TRAPPC9: variants seen among roughly 807,000 people sequenced by gnomAD.
The protein encoded by TRAPPC9 is IKK2 binding protein.
Under a neutral mutation model 124.0 loss-of-function variants are expected in TRAPPC9, and 83 were observed. The observed-to-expected ratio is 0.67, with a 90% CI of 0.56 to 0.80. The LOEUF is 0.80. TRAPPC9 is among the 30% of genes least tolerant of loss of function. The pLI, the probability that TRAPPC9 is intolerant of heterozygous loss-of-function variation, is 0.00. For synonymous variants in TRAPPC9, 638 were observed against 617.5 expected, an observed-to-expected ratio of 1.03 and a Z score of -0.49; for missense variants, 1,302 against 1,508.3, an observed-to-expected ratio of 0.86 and a Z score of 2.27.
At chr8:140,376,873 CA>C (rs36002702) in intron 7 of TRAPPC9, among the ~76,000 whole-genome samples, 70,759 of 112,746 alleles carry the variant, frequency 0.63, 20,018 homozygotes, top group African/African-American at 0.7. Context: ...GGCTCCATCT[CA>C]AAAAAAAAAA....
chr8:140,242,004 G>A (rs2063866796), intron 16 of TRAPPC9, among the ~76,000 whole-genome samples: 1 of 152,182 alleles, frequency 6.6e-6, no homozygotes, highest in African/African-American at 2.4e-5. Context: ...AGGGCTTGCA[G>A]GAGGGAGGGG....
chr8:140,280,328 A>G (rs765908433), intron 14 of TRAPPC9, among the ~76,000 whole-genome samples: 14 of 152,348 alleles, frequency 9.2e-5, no homozygotes, highest in Middle Eastern at 3.4e-3. Context: ...CTTTCTAAAC[A>G]GCATGTGCAG....
At chr8:139,821,040 G>GACCAGGAAATGTATCTGCAGC (rs1275004324) in intron 21 of TRAPPC9, among the ~76,000 whole-genome samples, 8 of 152,260 alleles carry the variant, frequency 5.3e-5, no homozygotes, top group Middle Eastern at 6.8e-3. Context: ...AAATATAACA[G>GACCAGGAAATGTATCTGCAGC]ACCAGGAAAT....
At chr8:140,071,871 C>T (rs1028044524) in intron 17 of TRAPPC9, among the ~76,000 whole-genome samples, 1 of 152,198 alleles carries the variant, frequency 6.6e-6, no homozygotes, top group African/African-American at 2.4e-5. Flanking sequence ...AAAGACAACA[C>T]CATAGCCCAG....
chr8:140,074,754 T>C (rs961485376), intron 17 of TRAPPC9, among the ~76,000 whole-genome samples: 1 of 152,092 alleles, frequency 6.6e-6, no homozygotes, highest in Admixed American at 6.5e-5. Flanking sequence ...TGCAGGCCTC[T>C]TGAAAGAAGG....
intron 21 of TRAPPC9, among the ~76,000 whole-genome samples, chr8:139,820,671 C>T (rs1018801448): frequency 1.3e-5 from 2 of 152,184 alleles, no homozygotes; most frequent in African/African-American, 4.8e-5. Context: ...ATCTTAAAGC[C>T]ATTACGACAA....
chr8:139,920,353 A>G (rs1216570275), intron 19 of TRAPPC9, among the ~76,000 whole-genome samples: 1 of 152,248 alleles, frequency 6.6e-6, no homozygotes. Flanking sequence ...CTCAAGCAAA[A>G]CAAAACAAAC....
intron 21 of TRAPPC9, among the ~76,000 whole-genome samples, chr8:139,838,723 A>G (rs1456091512): frequency 6.6e-6 from 1 of 152,212 alleles, no homozygotes; most frequent in African/African-American, 2.4e-5. Flanking sequence ...GAGCAGCCTC[A>G]TGGAACACTC....
intron 21 of TRAPPC9, among the ~76,000 whole-genome samples, chr8:139,740,690 G>T (rs1026668469): frequency 6.6e-6 from 1 of 152,246 alleles, no homozygotes; most frequent in African/African-American, 2.4e-5. Context: ...AGTTCCAGTG[G>T]TGATGTTCTA....
At chr8:140,009,512 C>T (rs1016405180) in intron 18 of TRAPPC9, among the ~76,000 whole-genome samples, 5 of 152,214 alleles carry the variant, frequency 3.3e-5, no homozygotes, top group African/African-American at 9.6e-5. Context: ...TTCTCACACA[C>T]GACGTCCCCA....
At chr8:140,456,689 G>T in intron 1 of TRAPPC9, 1 of 627,292 alleles carries the variant, frequency 1.6e-6, no homozygotes, top group Non-Finnish European at 2.0e-6. Context: ...CTTTGTTTCA[G>T]GTTAACAAAT....
chr8:140,100,274 G>C (rs904264305), intron 17 of TRAPPC9: 2 of 152,150 alleles, frequency 1.3e-5, no homozygotes, highest in African/African-American at 4.8e-5. Flanking sequence ...GTCTCAGTGC[G>C]CAGCTTCAGC....
At chr8:140,256,599 C>A (rs1297522282) in intron 15 of TRAPPC9, among the ~76,000 whole-genome samples, 1 of 152,162 alleles carries the variant, frequency 6.6e-6, no homozygotes, top group Non-Finnish European at 1.5e-5. Context: ...TACCCTCCCA[C>A]AAGACGCTGG....
intron 9 of TRAPPC9, among the ~76,000 whole-genome samples, chr8:140,330,066 C>T (rs1466972278): frequency 1.3e-5 from 2 of 151,842 alleles, no homozygotes; most frequent in East Asian, 1.9e-4. Context: ...GCAACAAGAG[C>T]GAAACTCAGT....
chr8:139,988,159 A>G (rs758862806), intron 19 of TRAPPC9, among the ~76,000 whole-genome samples: 14 of 133,528 alleles, frequency 1.0e-4, no homozygotes, highest in South Asian at 4.7e-4. Context: ...CCCAGGCTGG[A>G]GTACGGTGGT....
chr8:140,443,297 G>C (rs10104590), intron 2 of TRAPPC9, among the ~76,000 whole-genome samples: 4 of 150,170 alleles, frequency 2.7e-5, no homozygotes, highest in Admixed American at 2.0e-4. Context: ...TTAGCCAGGC[G>C]TGGTGGTGGG....
intron 17 of TRAPPC9, among the ~76,000 whole-genome samples, chr8:140,067,618 T>C (rs1316589872): frequency 6.6e-6 from 1 of 152,200 alleles, no homozygotes; most frequent in Non-Finnish European, 1.5e-5. Flanking sequence ...GGCATCTTCC[T>C]CAATTTCTTC....
chr8:140,425,580 G>A (rs1198343199), intron 5 of TRAPPC9, among the ~76,000 whole-genome samples: 1 of 151,916 alleles, frequency 6.6e-6, no homozygotes, highest in East Asian at 1.9e-4. Flanking sequence ...TCTATATGGT[G>A]TACACATCTA....
chr8:140,146,737 T>C (rs146763933), intron 17 of TRAPPC9, among the ~76,000 whole-genome samples: 7 of 152,264 alleles, frequency 4.6e-5, no homozygotes, highest in African/African-American at 1.7e-4. Flanking sequence ...TATTTCATAA[T>C]GAATGTAACT....
Sources: gnomAD v4.1 joint callset for allele counts (sites outside exome capture counted in the v4.1 genomes callset) on GRCh38, gnomAD v4.1.1 for gene constraint, MANE v1.5 for transcripts, NCBI Gene and HGNC (gene_info 2026-07-23, HGNC 2026-07-21) for gene names.